Variants in FAM13A observed in about 807,000 individuals in gnomAD.
FAM13A encodes the protein family with sequence similarity 13 member A.
In FAM13A, 76 loss-of-function variants were observed where a neutral mutation model predicts 129.6. The ratio of observed to expected loss-of-function variants is 0.59; its 90% CI spans 0.49 to 0.71. The LOEUF is 0.71. Among genes scored for constraint, FAM13A ranks in the 30% least tolerant of loss-of-function variants. The pLI, the probability that FAM13A is intolerant of heterozygous loss-of-function variation, is 0.00. For missense variants in FAM13A, 1,108 were observed against 1,249.3 expected (o/e 0.89, Z 1.70); for synonymous variants, 443 against 449.9 (o/e 0.98, Z 0.20).
intron 13 of FAM13A, among the ~76,000 whole-genome samples, chr4:88,765,325 G>A (rs558722200): frequency 2.6e-5 from 4 of 152,214 alleles, no homozygotes; most frequent in East Asian, 1.9e-4. Context: ...CTGTCTTAAC[G>A]GAAAACAAAA....
chr4:88,853,913 T>G (rs1028469065), intron 6 of FAM13A, among the ~76,000 whole-genome samples: 2 of 152,230 alleles, frequency 1.3e-5, no homozygotes, highest in Non-Finnish European at 2.9e-5. Flanking sequence ...AACATCAGAC[T>G]CCAAGTTCTT....
At chr4:88,854,134 T>C (rs1738089196) in intron 6 of FAM13A, among the ~76,000 whole-genome samples, 1 of 152,200 alleles carries the variant, frequency 6.6e-6, no homozygotes, top group African/African-American at 2.4e-5. Context: ...CTCTTCATAA[T>C]AAACATCTAT....
At chr4:89,004,224 C>T (rs1764682473) in intron 3 of FAM13A, among the ~76,000 whole-genome samples, 1 of 152,204 alleles carries the variant, frequency 6.6e-6, no homozygotes, top group African/African-American at 2.4e-5. Context: ...TTGCAATCTC[C>T]ACCTCTCGGA....
In FAM13A at chr4:88,848,983, T is replaced by A. The variant is rs115868228; in HGVS notation, c.1007+2037A>T. Among the ~76,000 whole-genome samples, 816 of 152,304 alleles carry A rather than the reference T, an allele frequency of 5.4e-3. 10 individuals are homozygous for A. The highest frequency in any genetic ancestry group is 0.019 in the African/African-American group (773 of 41,564). ...GCTTTTTCTTCCAGGGGCACCCTTATCTCTATTTCCCTGCCTGATAAACTC... is the reference window on the plus strand; with the variant it reads ...GCTTTTTCTTCCAGGGGCACCCTTAACTCTATTTCCCTGCCTGATAAACTC... On this transcript the variant is annotated intron_variant, in intron 7 of 23. Coordinates refer to ENST00000264344, the MANE Select transcript of FAM13A (RefSeq NM_014883.4).
chr4:88,732,244 G>A (rs1382185554), intron 21 of FAM13A, 46 bp from the exon 22 acceptor site: 3 of 1,399,536 alleles, frequency 2.1e-6, no homozygotes, highest in Admixed American at 2.1e-5. Context: ...CACTTTTTGG[G>A]GCAGACTTTC....
intron 6 of FAM13A, among the ~76,000 whole-genome samples, chr4:88,897,780 G>A (rs1288207044): frequency 6.6e-6 from 1 of 152,116 alleles, no homozygotes; most frequent in Non-Finnish European, 1.5e-5. Flanking sequence ...AGATCAACTG[G>A]AGAAAAGAAG....
intron 3 of FAM13A, among the ~76,000 whole-genome samples, chr4:88,999,510 T>G (rs1434308437): frequency 6.6e-6 from 1 of 152,174 alleles, no homozygotes; most frequent in East Asian, 1.9e-4. Context: ...AACTAGGCTT[T>G]CTCCATCAAT....
chr4:89,029,273 A>G (rs558469317), intron 2 of FAM13A, among the ~76,000 whole-genome samples, 187 bp downstream of exon 2: 1 of 152,372 alleles, frequency 6.6e-6, no homozygotes, highest in South Asian at 2.1e-4. Context: ...TCAAATTAGT[A>G]CTGTCAAGAT....
chr4:88,988,121 G>C (rs1307302253), intron 4 of FAM13A, among the ~76,000 whole-genome samples: 13 of 152,012 alleles, frequency 8.6e-5, no homozygotes, highest in Admixed American at 8.5e-4. Flanking sequence ...TCCTGCACAT[G>C]TATCCAGGAA....
chr4:88,943,034 T>C (rs1300364527), intron 4 of FAM13A, among the ~76,000 whole-genome samples: 4 of 152,226 alleles, frequency 2.6e-5, no homozygotes, highest in African/African-American at 9.6e-5. Context: ...CTTAATCTCG[T>C]CTGTACTAAA....
chr4:88,790,675 G>A lies in FAM13A; in HGVS notation c.1050-48C>T, dbSNP rs1427482324. 9 of 1,534,786 alleles carry A rather than the reference G, an allele frequency of 5.9e-6. No homozygotes were observed. In the East Asian group the frequency reaches 1.3e-4, roughly 23 times the overall value. ...AAGTCAGGTTAGATGAAAGATCAGA[G>A]ATGATGAACCAAACATGTGAAGTGG... is the stretch of plus-strand genomic sequence containing the variant. On this transcript the variant is annotated intron_variant, in intron 8 of 23. Transcript: ENST00000264344.
chr4:88,786,033 T>C (rs1163467289), intron 10 of FAM13A, among the ~76,000 whole-genome samples: 1 of 152,166 alleles, frequency 6.6e-6, no homozygotes, highest in Non-Finnish European at 1.5e-5. Context: ...CTCCTAATAC[T>C]GCTAGTAAAA....
chr4:88,842,967 G>C (rs952482433), intron 7 of FAM13A, among the ~76,000 whole-genome samples: 6 of 152,130 alleles, frequency 3.9e-5, no homozygotes, highest in Non-Finnish European at 5.9e-5. Flanking sequence ...CTTTCATTTG[G>C]AAAGGAGACT....
chr4:88,756,505 G>T (rs971179481), intron 14 of FAM13A, among the ~76,000 whole-genome samples: 1 of 152,200 alleles, frequency 6.6e-6, no homozygotes, highest in Non-Finnish European at 1.5e-5. Flanking sequence ...ATGGTATGGG[G>T]ATGGGAAGGA....
intron 6 of FAM13A, among the ~76,000 whole-genome samples, chr4:88,893,243 G>C (rs1474873003): frequency 6.6e-6 from 1 of 152,168 alleles, no homozygotes; most frequent in Non-Finnish European, 1.5e-5. Context: ...TTTTGGTCAT[G>C]ACACAGATCC....
rs368739656 is a variant in FAM13A, at chr4:88,840,792, GT to G, written c.1007+10227del. On this transcript the variant is annotated intron_variant, in intron 7 of 23. Coordinates refer to ENST00000264344, the MANE Select transcript of FAM13A (RefSeq NM_014883.4). ...AAGTTAATGTTCTCAGAAAATGAAG[GT>G]GGGAGGGAGAAGAGTGAGAATCCTA... is the stretch of plus-strand genomic sequence containing the variant. 7.2e-5 allele frequency among the ~76,000 whole-genome samples: 11 copies of G among 152,198 alleles called. No homozygotes were observed. In the East Asian group the frequency reaches 1.4e-3, roughly 19 times the overall value.
At chr4:88,978,596 C>T (rs1316405381) in intron 4 of FAM13A, among the ~76,000 whole-genome samples, 2 of 152,190 alleles carry the variant, frequency 1.3e-5, no homozygotes, top group Non-Finnish European at 2.9e-5. Context: ...AGATCGAGAC[C>T]ATCCTGGCTA....
intron 21 of FAM13A, among the ~76,000 whole-genome samples, chr4:88,735,338 ATAAAACCAATAATATAAGTT>A (rs1201597295): frequency 2.0e-5 from 3 of 152,238 alleles, no homozygotes; most frequent in Non-Finnish European, 4.4e-5. Flanking sequence ...ACAAATAATT[ATAAAACCAATAATATAAGTT>A]ATCAGCTATT....
At chr4:88,767,395 C>A (rs1455484544) in intron 13 of FAM13A, among the ~76,000 whole-genome samples, 158 bp downstream of exon 13, 1 of 152,148 alleles carries the variant, frequency 6.6e-6, no homozygotes, top group Non-Finnish European at 1.5e-5. Flanking sequence ...CTTATGATTT[C>A]TCAAGGAATC....
Sources: gnomAD v4.1 joint callset for allele counts (sites outside exome capture counted in the v4.1 genomes callset) on GRCh38, gnomAD v4.1.1 for gene constraint, MANE v1.5 for transcripts, NCBI Gene and HGNC (gene_info 2026-07-23, HGNC 2026-07-21) for gene names.